Variants in AP4E1 observed in about 807,000 individuals in gnomAD.
AP4E1 encodes adaptor related protein complex 4 subunit epsilon 1, also known as AP-4 complex subunit epsilon-1.
Under a neutral mutation model 128.2 loss-of-function variants are expected in AP4E1, and 56 were observed. The observed-to-expected ratio is 0.44, with a 90% confidence interval of 0.35 to 0.55. The LOEUF is 0.55. Ranked by LOEUF, AP4E1 falls within the 20% of genes least tolerant of loss-of-function variation. The pLI, the probability that AP4E1 is intolerant of heterozygous loss-of-function variation, is 0.00. For missense variants in AP4E1, 1,324 were observed against 1,307.7 expected (o/e 1.01, Z -0.19); for synonymous variants, 484 against 473.1 (o/e 1.02, Z -0.30).
chr15:50,934,931 T>C (rs1028746693), intron 8 of AP4E1, among the ~76,000 whole-genome samples: 20 of 152,082 alleles, frequency 1.3e-4, no homozygotes, highest in Non-Finnish European at 2.5e-4. Flanking sequence ...ATTGTCTCTA[T>C]TGAAAACACA....
At chr15:50,907,817 C>G (rs2063506032), upstream of AP4E1, among the ~76,000 whole-genome samples, 1 of 152,178 alleles carries the variant, frequency 6.6e-6, no homozygotes, top group Non-Finnish European at 1.5e-5. Flanking sequence ...CCTGAGGTCA[C>G]CAGACCACAT....
At chr15:50,955,760 C>T (rs1377656958) in intron 13 of AP4E1, among the ~76,000 whole-genome samples, 1 of 152,204 alleles carries the variant, frequency 6.6e-6, no homozygotes, top group Non-Finnish European at 1.5e-5. Flanking sequence ...GGCCTCTCTA[C>T]AGCTCAGTGG....
chr15:50,919,488 C>T (rs1411740068), intron 3 of AP4E1, among the ~76,000 whole-genome samples: 6 of 151,414 alleles, frequency 4.0e-5, no homozygotes, highest in African/African-American at 9.7e-5. Flanking sequence ...GCTGAGATCG[C>T]ACCATTGCAC....
intron 11 of AP4E1, 86 bp downstream of exon 11, chr15:50,948,245 A>G: frequency 6.6e-7 from 1 of 1,506,744 alleles, no homozygotes; most frequent in Non-Finnish European, 9.2e-7. Context: ...GTCACTTGCA[A>G]GTCGAGTTCA....
intron 20 of AP4E1, among the ~76,000 whole-genome samples, chr15:51,002,112 C>T (rs1259563028): frequency 6.6e-6 from 1 of 152,088 alleles, no homozygotes; most frequent in Non-Finnish European, 1.5e-5. Context: ...AACTCCTGAG[C>T]TTAAGTGATC....
intron 14 of AP4E1, among the ~76,000 whole-genome samples, chr15:50,963,649 A>G (rs1217264298): frequency 6.6e-6 from 1 of 152,198 alleles, no homozygotes; most frequent in East Asian, 1.9e-4. Flanking sequence ...TTGATGGCAC[A>G]GTAGGGTGAC....
chr15:50,994,321 ATCC>A (rs2064843030), intron 17 of AP4E1, among the ~76,000 whole-genome samples: 1 of 152,172 alleles, frequency 6.6e-6, no homozygotes, highest in Non-Finnish European at 1.5e-5. Context: ...CATGTAATGT[ATCC>A]TCCTTTTGGT....
chr15:50,923,404 C>T (rs1274666044), intron 3 of AP4E1, among the ~76,000 whole-genome samples: 3 of 152,120 alleles, frequency 2.0e-5, no homozygotes, highest in Non-Finnish European at 4.4e-5. Flanking sequence ...GTTATTCCCT[C>T]AATTGAGAAA....
intron 7 of AP4E1, among the ~76,000 whole-genome samples, chr15:50,933,670 GT>G (rs1402927537): frequency 6.6e-6 from 1 of 152,036 alleles, no homozygotes; most frequent in Non-Finnish European, 1.5e-5. Flanking sequence ...TTAGAATGTG[GT>G]TCTGGATTCT....
At position 50,958,924 on chromosome 15, in the gene AP4E1, C is replaced by G. The variant is rs542257457; in HGVS notation, c.1851+130C>G. ...GCATTTAAGGTGAATGTTGGAGTTC[C>G]TTTTCACATTAGTATGACAGGGAAT... On this transcript the variant is annotated intron_variant, in intron 14 of 20. Transcript: ENST00000261842. The G allele has an allele frequency of 2.4e-5, 24 of 1,008,074 alleles. 1 individual carries two copies. The highest frequency in any genetic ancestry group is 5.0e-5 in the East Asian group (2 of 40,052). The allele number at this position is 1,008,074 out of a possible 1,614,324, so 62.4% of individuals were successfully genotyped here. A position where few individuals can be genotyped will look rare whatever the true frequency, so the allele number is the denominator to read the frequency against.
At chr15:50,956,536 G>A (rs1448909831) in intron 13 of AP4E1, among the ~76,000 whole-genome samples, 2 of 152,128 alleles carry the variant, frequency 1.3e-5, no homozygotes, top group African/African-American at 2.4e-5. Flanking sequence ...CACATGGCTG[G>A]GGAGGCCTCA....
chr15:50,968,423 T>G, intron 15 of AP4E1, 46 bp downstream of exon 15: 1 of 1,318,708 alleles, frequency 7.6e-7, no homozygotes, highest in Non-Finnish European at 1.1e-6. Flanking sequence ...AGGGATGTAA[T>G]TTTTGATATT....
At chr15:50,958,940 G>T in intron 14 of AP4E1, 146 bp downstream of exon 14, 1 of 910,828 alleles carries the variant, frequency 1.1e-6, no homozygotes, top group East Asian at 2.6e-5. Context: ...ACATTAGTAT[G>T]ACAGGGAATC....
chr15:50,936,732 A>G (rs1173536325), intron 8 of AP4E1, among the ~76,000 whole-genome samples: 1 of 152,142 alleles, frequency 6.6e-6, no homozygotes, highest in Non-Finnish European at 1.5e-5. Context: ...TCGGGAGTTC[A>G]AGACCAACCT....
Position 50,968,336 on chromosome 15 carries a change from C to T in AP4E1, c.1925C>T (p.Pro642Leu), listed in dbSNP as rs549966445. ...AGTCAGGGTGCAGCGCCTTACAAAC[C>T]TCCCCATCAACGCCAGGAGGAAAAG... ...GLSQGAAPYK[P>L]PHQRQEEKLS... The change falls in exon 15 of 21, where the codon CCT (proline) becomes CTT (leucine). Residue 642 changes from proline to leucine, a missense_variant. Transcript: ENST00000261842. 82 of 1,613,484 alleles carry T rather than the reference C, an allele frequency of 5.1e-5. 1 individual carries two copies. The South Asian group carries it at 8.7e-4, about 17-fold the overall frequency.
rs1555459128 is a variant in AP4E1 at position 50,964,955 on chromosome 15, C to CCCCACACACACACACACACACACA, written c.1852-3307_1852-3306insCCACACACACACACACACACACAC. Among the ~76,000 whole-genome samples the CCCCACACACACACACACACACACA allele has an allele frequency of 1.5e-3, 201 of 131,456 alleles. 3 individuals carry two copies. The highest frequency in any genetic ancestry group is 3.0e-3 in the African/African-American group (100 of 33,208). 86.2% of individuals were successfully genotyped at this position (131,456 alleles called of 152,430 possible). On this transcript the variant is annotated intron_variant, in intron 14 of 20. Transcript: ENST00000261842. ...TTGTAAAGTATAACACCTCCCCCTA[C>CCCCACACACACACACACACACACA]CACACACACACACACACACACACAC... is the stretch of plus-strand genomic sequence containing the variant.
chr15:50,907,651 T>C (rs2063502895), upstream of AP4E1, among the ~76,000 whole-genome samples: 3 of 152,142 alleles, frequency 2.0e-5, no homozygotes, highest in Admixed American at 2.0e-4. Flanking sequence ...ACAAGGATAC[T>C]CCAGGATACA....
intron 15 of AP4E1, among the ~76,000 whole-genome samples, chr15:50,980,406 G>A (rs1221754357): frequency 6.6e-6 from 1 of 152,226 alleles, no homozygotes; most frequent in Non-Finnish European, 1.5e-5. Context: ...ACTTTTAAGT[G>A]CATGCAGTAA....
chr15:50,962,916 A>AAAAAAAAAAC (rs2064336180), intron 14 of AP4E1, among the ~76,000 whole-genome samples: 1 of 132,986 alleles, frequency 7.5e-6, no homozygotes, highest in African/African-American at 2.7e-5. Flanking sequence ...AAAAAAAAAA[A>AAAAAAAAAAC]TCCCATTTAA....
Sources: gnomAD v4.1 joint callset for allele counts (sites outside exome capture counted in the v4.1 genomes callset) on GRCh38, gnomAD v4.1.1 for gene constraint, MANE v1.5 for transcripts, NCBI Gene and HGNC (gene_info 2026-07-23, HGNC 2026-07-21) for gene names.